PREX1: variants seen among roughly 807,000 people sequenced by gnomAD.
PREX1 encodes the protein phosphatidylinositol-3,4,5-trisphosphate dependent Rac exchange factor 1.
In PREX1, 41 loss-of-function variants were observed where a neutral mutation model predicts 198.3. The ratio of observed to expected loss-of-function variants is 0.21; its 90% confidence interval spans 0.16 to 0.27. The LOEUF (loss-of-function observed/expected upper bound fraction) is 0.27, where lower values mean the gene tolerates loss of function less well. Among genes scored for constraint, PREX1 ranks in the 10% least tolerant of loss-of-function variants. The pLI is 1.00. For synonymous variants in PREX1, 843 were observed against 887.2 expected, an observed-to-expected ratio of 0.95 and a Z score of 0.89; for missense variants, 1,620 against 2,200.7, an observed-to-expected ratio of 0.74 and a Z score of 5.28.
At chr20:48,630,929 T>G (rs2089309375) in intron 35 of PREX1, 135 bp from the exon 36 acceptor site, 2 of 677,760 alleles carry the variant, frequency 3.0e-6, no homozygotes, top group Non-Finnish European at 2.6e-6. Context: ...TGAGAGCGCC[T>G]GCAGGCTGTG....
In PREX1 at chr20:48,760,066, C is replaced by T. The variant is rs2090172435; in HGVS notation, c.220-12186G>A. Among the ~76,000 whole-genome samples, 2 of 151,722 alleles carry T rather than the reference C, an allele frequency of 1.3e-5. 1 individual carries two copies. Among genetic ancestry groups the T allele is most frequent in the Non-Finnish European group, 2.9e-5 (2 of 67,876 alleles). ...GGCAGAGGTTGCAGTGAGCCAAGATCGCACCACTGCACTTCAGCCTGGATG... is the reference window on the plus strand; with the variant it reads ...GGCAGAGGTTGCAGTGAGCCAAGATTGCACCACTGCACTTCAGCCTGGATG... On this transcript the variant is annotated intron_variant, in intron 1 of 39. Coordinates refer to ENST00000371941, the MANE Select transcript of PREX1 (RefSeq NM_020820.4).
At chr20:48,777,232 C>T (rs2090266466) in intron 1 of PREX1, among the ~76,000 whole-genome samples, 2 of 152,132 alleles carry the variant, frequency 1.3e-5, no homozygotes, top group African/African-American at 2.4e-5. Context: ...GCACAAACAC[C>T]AGACCAGGTC....
rs897146553 is a variant in PREX1 at position 48,745,165 on chromosome 20, G to A, written c.292-18C>T. On this transcript the variant is annotated intron_variant, in intron 2 of 39. Transcript: ENST00000371941. ...AACAGGACCTGTGAGGAAAAGAGAG[G>A]CCAGAGGACAGCGTTAAGGCTCAGA... 1.2e-6 allele frequency: 2 copies of A among 1,609,910 alleles called. No individual in the cohort carries two copies. Among genetic ancestry groups the A allele is most frequent in the African/African-American group, 2.7e-5 (2 of 74,856 alleles).
At chr20:48,709,523 G>A (rs1033548583) in intron 5 of PREX1, among the ~76,000 whole-genome samples, 2 of 152,206 alleles carry the variant, frequency 1.3e-5, no homozygotes, top group Non-Finnish European at 2.9e-5. Context: ...GACGATGACA[G>A]CAATTAATGT....
At chr20:48,887,397 G>A in the PREX1 span, among the ~76,000 whole-genome samples, 5 of 151,618 alleles carry the variant, frequency 3.3e-5, no homozygotes, top group African/African-American at 9.7e-5. Context: ...GGAAAACATG[G>A]CAAAACCTGG....
chr20:48,699,905 C>G (rs2089865392), intron 7 of PREX1, among the ~76,000 whole-genome samples: 1 of 152,214 alleles, frequency 6.6e-6, no homozygotes, highest in Non-Finnish European at 1.5e-5. Context: ...CATTCAAACA[C>G]TCATTCACTC....
chr20:48,704,994 G>A (rs1033053458), intron 6 of PREX1, among the ~76,000 whole-genome samples: 5 of 152,230 alleles, frequency 3.3e-5, no homozygotes, highest in African/African-American at 1.2e-4. Context: ...AAAGCTCTTG[G>A]ATACTTTTTC....
chr20:48,657,263 A>G, intron 17 of PREX1, 75 bp from the exon 18 acceptor site: 1 of 1,525,122 alleles, frequency 6.6e-7, no homozygotes, highest in Non-Finnish European at 9.0e-7. Flanking sequence ...GGAAGCTCAA[A>G]TGTGTTCAGC....
At chr20:48,672,088 A>G (rs556953682) in intron 14 of PREX1, among the ~76,000 whole-genome samples, 1 of 152,314 alleles carries the variant, frequency 6.6e-6, no homozygotes, top group African/African-American at 2.4e-5. Context: ...AGCCCCCCGC[A>G]TGCCCAGCAC....
chr20:48,627,196 G>A (rs2089279016), intron 39 of PREX1, among the ~76,000 whole-genome samples: 1 of 151,998 alleles, frequency 6.6e-6, no homozygotes, highest in African/African-American at 2.4e-5. Context: ...CAGGGACTCA[G>A]GGTAGGGGGC....
chr20:48,666,401 G>A lies in PREX1; in HGVS notation c.1666-46C>T, dbSNP rs1217851352. On this transcript the variant is annotated intron_variant, in intron 14 of 39. Coordinates refer to ENST00000371941, the MANE Select transcript of PREX1 (RefSeq NM_020820.4). The surrounding 1 kb of genome is among the most constrained non-coding windows in gnomAD (Gnocchi z 4.3). ...GAGGGTGTTAGGTGGCAGCATCCGA[G>A]AGGCCATGCATGGCCAACGAGAAGC... The A allele has an allele frequency of 2.7e-6, 4 of 1,493,828 alleles. No individual in the cohort carries two copies. Among genetic ancestry groups the A allele is most frequent in the Middle Eastern group, 1.7e-4 (1 of 5,954 alleles). 92.5% of individuals were successfully genotyped at this position (1,493,828 alleles called of 1,614,324 possible). A position where few individuals can be genotyped will look rare whatever the true frequency, so the allele number is the denominator to read the frequency against.
chr20:48,837,935 T>G, the PREX1 span, among the ~76,000 whole-genome samples: 1 of 151,142 alleles, frequency 6.6e-6, no homozygotes, highest in African/African-American at 2.4e-5. Context: ...ATAACATGAA[T>G]GAATTTTAGA....
In PREX1 at chr20:48,627,539, G is replaced by C; in HGVS notation, c.4937+9C>G. 1 of 1,613,914 alleles carries C rather than the reference G, an allele frequency of 6.2e-7. No individual in the cohort carries two copies. Among genetic ancestry groups the C allele is most frequent in the Non-Finnish European group, 8.5e-7 (1 of 1,179,930 alleles). Reference sequence around the variant, plus strand: ...TGGACAGGAAGGGGCGGACGAGGCAGCCACTCACCGCGGAGCACCCTGGGG... The same window carrying C: ...TGGACAGGAAGGGGCGGACGAGGCACCCACTCACCGCGGAGCACCCTGGGG... On this transcript the variant is annotated intron_variant, in intron 39 of 39. Transcript: ENST00000371941.
chr20:48,764,427 T>C (rs1343217989), intron 1 of PREX1, among the ~76,000 whole-genome samples: 2 of 152,014 alleles, frequency 1.3e-5, no homozygotes, highest in Non-Finnish European at 2.9e-5. Flanking sequence ...GTAAGGATCT[T>C]GGAAAGGGGG....
Position 48,800,492 on chromosome 20 carries a change from G to A in PREX1, c.219+27150C>T, listed in dbSNP as rs557936094. Among the ~76,000 whole-genome samples the A allele has an allele frequency of 6.6e-4, 101 of 152,354 alleles. 1 individual carries two copies. Among genetic ancestry groups the A allele is most frequent in the Middle Eastern group, 6.8e-3 (2 of 294 alleles). Reference sequence around the variant, plus strand: ...GCAGCCAACAATCCCTGGGCACTTAGGATGTGTGCCCGGCATCATGCAAAC... The same window carrying A: ...GCAGCCAACAATCCCTGGGCACTTAAGATGTGTGCCCGGCATCATGCAAAC... On this transcript the variant is annotated intron_variant, in intron 1 of 39. Transcript: ENST00000371941.
At chr20:48,721,666 A>T (rs2089986547) in intron 5 of PREX1, among the ~76,000 whole-genome samples, 1 of 152,194 alleles carries the variant, frequency 6.6e-6, no homozygotes, top group East Asian at 1.9e-4. Context: ...GAGTCCTGGG[A>T]GGGTAGTCCG....
chr20:48,810,298 C>A (rs931679170), intron 1 of PREX1, among the ~76,000 whole-genome samples: 23 of 151,484 alleles, frequency 1.5e-4, no homozygotes, highest in Admixed American at 3.3e-4. Flanking sequence ...AAAAAAAAAA[C>A]CAGGCCTAGT....
At chr20:48,718,849 C>T (rs188184482) in intron 5 of PREX1, among the ~76,000 whole-genome samples, 112 of 151,578 alleles carry the variant, frequency 7.4e-4, no homozygotes, top group Non-Finnish European at 1.4e-3. Context: ...ATAACTAGGG[C>T]ACTATTTCAC....
Position 48,651,450 on chromosome 20 carries a change from G to A in PREX1, c.2601C>T (p.Cys867=), listed in dbSNP as rs753108934. 3.1e-6 allele frequency: 5 copies of A among 1,613,868 alleles called. No homozygotes were observed. Among genetic ancestry groups the A allele is most frequent in the Middle Eastern group, 1.7e-4 (1 of 6,058 alleles). The change falls in exon 22 of 40, where the codon TGC becomes TGT. Residue 867 remains cysteine (C), a synonymous_variant. Transcript: ENST00000371941. ...GCTCCACGATCTTCTCCAGCACATG[G>A]CACCTGACGCCTGCCGTGCTCACAT... ...YEYVSTAGVR[C]HVLEKIVEPR... is the part of the protein sequence containing the mutation.
Sources: allele counts gnomAD v4.1 joint callset (sites outside exome capture counted in the v4.1 genomes callset), GRCh38; gene constraint gnomAD v4.1.1; non-coding constraint Gnocchi (gnomAD v3.1); transcripts MANE v1.5; gene names NCBI Gene and HGNC (gene_info 2026-07-23, HGNC 2026-07-21).